PLPP1: variants seen among roughly 807,000 people sequenced by gnomAD.
PLPP1 encodes the protein phospholipid phosphatase 1, also known as lipid phosphate phosphohydrolase 1a.
In PLPP1, 24 loss-of-function variants were observed where a neutral mutation model predicts 31.2. The observed-to-expected ratio is 0.77, with a 90% CI of 0.56 to 1.08. The LOEUF (loss-of-function observed/expected upper bound fraction) is 1.08. Among genes scored for constraint, PLPP1 ranks in the 50% least tolerant of loss-of-function variants. The pLI is 0.00. For synonymous variants in PLPP1, 146 were observed against 126.3 expected (o/e 1.16, Z -1.05); for missense variants, 319 against 342.7 (o/e 0.93, Z 0.55).
At chr5:55,516,734 A>C (rs1753561993) in intron 1 of PLPP1, among the ~76,000 whole-genome samples, 1 of 152,256 alleles carries the variant, frequency 6.6e-6, no homozygotes, top group Non-Finnish European at 1.5e-5. Flanking sequence ...CCATGAACAC[A>C]AAAGAATTCT....
intron 3 of PLPP1, among the ~76,000 whole-genome samples, chr5:55,464,258 A>C (rs897167938): frequency 6.8e-6 from 1 of 146,996 alleles, no homozygotes; most frequent in Non-Finnish European, 1.5e-5. Context: ...TTTTTTAAGA[A>C]GCAGTCTTGT....
intron 1 of PLPP1, chr5:55,508,909 A>C (rs559905169): frequency 6.5e-6 from 1 of 154,296 alleles, no homozygotes; most frequent in East Asian, 1.9e-4. Context: ...AGAAGATTTC[A>C]GAGTCAGATA....
chr5:55,469,964 C>G (rs1157527181), intron 2 of PLPP1, among the ~76,000 whole-genome samples: 3 of 152,164 alleles, frequency 2.0e-5, no homozygotes, highest in Admixed American at 1.3e-4. Context: ...CTTGGGTAAA[C>G]AGCAAATGCC....
chr5:55,450,620 T>C (rs1014060625), intron 3 of PLPP1, among the ~76,000 whole-genome samples: 2 of 152,058 alleles, frequency 1.3e-5, no homozygotes. Flanking sequence ...GTAAAACACA[T>C]ACAACTACTA....
chr5:55,448,430 C>G (rs1751817177), intron 3 of PLPP1, among the ~76,000 whole-genome samples: 1 of 148,758 alleles, frequency 6.7e-6, no homozygotes, highest in Non-Finnish European at 1.5e-5. Flanking sequence ...ACTCAAGGAC[C>G]CAAGGAAGAT....
intron 3 of PLPP1, among the ~76,000 whole-genome samples, chr5:55,465,136 G>A (rs1045786051): frequency 9.3e-5 from 14 of 150,926 alleles, no homozygotes; most frequent in African/African-American, 2.2e-4. Context: ...CTCTGCCTCC[G>A]GGGTTCAAGC....
At chr5:55,478,583 T>C (rs1187317761) in intron 1 of PLPP1, among the ~76,000 whole-genome samples, 2 of 152,064 alleles carry the variant, frequency 1.3e-5, no homozygotes, top group Admixed American at 6.6e-5. Flanking sequence ...CAAAACACTG[T>C]ACAGGATGTA....
intron 3 of PLPP1, among the ~76,000 whole-genome samples, chr5:55,457,330 G>GT (rs1752038928): frequency 6.6e-6 from 1 of 151,970 alleles, no homozygotes; most frequent in Non-Finnish European, 1.5e-5. Context: ...TTTTAAATAG[G>GT]TAAAAAGCCT....
At chr5:55,459,383 G>C (rs1239609912) in intron 3 of PLPP1, among the ~76,000 whole-genome samples, 1 of 151,978 alleles carries the variant, frequency 6.6e-6, no homozygotes, top group Non-Finnish European at 1.5e-5. Context: ...CATAAAACAT[G>C]TTGGTTAAAA....
chr5:55,433,222 CTG>C (rs1231324572), intron 4 of PLPP1, among the ~76,000 whole-genome samples: 2 of 150,336 alleles, frequency 1.3e-5, no homozygotes, highest in Admixed American at 1.3e-4. Context: ...ATTTGGGAAG[CTG>C]AGGTGGGAGC....
chr5:55,533,707 C>G (rs1263585337), intron 1 of PLPP1, among the ~76,000 whole-genome samples: 1 of 152,166 alleles, frequency 6.6e-6, no homozygotes, highest in Non-Finnish European at 1.5e-5. Flanking sequence ...TTTGTTTATT[C>G]CATCATATAT....
At chr5:55,521,607 G>A (rs182683587) in intron 1 of PLPP1, among the ~76,000 whole-genome samples, 1 of 152,180 alleles carries the variant, frequency 6.6e-6, no homozygotes, top group African/African-American at 2.4e-5. Flanking sequence ...TGAGGATGGA[G>A]ACCTTGTCTC....
At chr5:55,444,536 A>T (rs1336511073) in intron 3 of PLPP1, among the ~76,000 whole-genome samples, 1 of 152,196 alleles carries the variant, frequency 6.6e-6, no homozygotes, top group Admixed American at 6.5e-5. Flanking sequence ...GATGAAGGCA[A>T]GTACAGTACA....
chr5:55,451,211 G>A (rs1579932170), intron 3 of PLPP1, among the ~76,000 whole-genome samples: 1 of 152,192 alleles, frequency 6.6e-6, no homozygotes, highest in East Asian at 1.9e-4. Context: ...CTTGAGCCCA[G>A]GAGTTTGAGA....
At chr5:55,521,025 AAC>A (rs1753653522) in intron 1 of PLPP1, among the ~76,000 whole-genome samples, 1 of 151,174 alleles carries the variant, frequency 6.6e-6, no homozygotes, top group Admixed American at 6.7e-5. Flanking sequence ...CAACCTGGGC[AAC>A]AGAGTGAGAC....
chr5:55,511,881 G>C (rs1446571827), intron 1 of PLPP1, among the ~76,000 whole-genome samples: 1 of 150,984 alleles, frequency 6.6e-6, no homozygotes, highest in Non-Finnish European at 1.5e-5. Flanking sequence ...GTGTTAGCCA[G>C]GATGGTCTCA....
intron 1 of PLPP1, among the ~76,000 whole-genome samples, chr5:55,531,132 T>C (rs1740655500): frequency 6.6e-6 from 1 of 152,254 alleles, no homozygotes; most frequent in Admixed American, 6.5e-5. Context: ...ATGTTCCATT[T>C]CAGAAAGGAA....
At chr5:55,425,376 A>T (rs746759856) in intron 5 of PLPP1, 42 bp from the exon 6 acceptor site, 2 of 1,513,566 alleles carry the variant, frequency 1.3e-6, no homozygotes, top group Non-Finnish European at 9.0e-7. Context: ...AGATCAAGTT[A>T]AAAACTACAT....
chr5:55,530,654 C>G, intron 1 of PLPP1: 1 of 1,597,604 alleles, frequency 6.3e-7, no homozygotes, highest in African/African-American at 1.3e-5. Context: ...CAGAAAACTT[C>G]CTCATTATAT....
Sources: allele counts gnomAD v4.1 joint callset (sites outside exome capture counted in the v4.1 genomes callset), GRCh38; gene constraint gnomAD v4.1.1; transcripts MANE v1.5; gene names NCBI Gene and HGNC (gene_info 2026-07-23, HGNC 2026-07-21).